Variants in FAT3 observed in about 807,000 individuals in gnomAD.
FAT3 encodes the protein FAT atypical cadherin 3.
In FAT3, 95 loss-of-function variants were observed where a neutral mutation model predicts 310.2. That is an observed-to-expected ratio of 0.31 (90% CI 0.26 to 0.36). The LOEUF (loss-of-function observed/expected upper bound fraction) is 0.36, where lower values mean the gene tolerates loss of function less well. Among genes scored for constraint, FAT3 ranks in the 10% least tolerant of loss-of-function variants. The pLI is 1.00. For synonymous variants in FAT3, 2,314 were observed against 2,192.9 expected (o/e 1.06, Z -1.54); for missense variants, 5,408 against 5,715.6 (o/e 0.95, Z 1.74).
chr11:92,457,737 T>A (rs1951529145), intron 2 of FAT3, among the ~76,000 whole-genome samples: 1 of 151,044 alleles, frequency 6.6e-6, no homozygotes, highest in African/African-American at 2.5e-5. Flanking sequence ...GCCTGACCAA[T>A]ATGGTGAAAC....
At chr11:92,714,461 T>C (rs181821598) in intron 4 of FAT3, among the ~76,000 whole-genome samples, 35 of 152,058 alleles carry the variant, frequency 2.3e-4, no homozygotes, top group Admixed American at 7.9e-4. Context: ...GTTTCTAATC[T>C]CTACCCTGGA....
intron 4 of FAT3, among the ~76,000 whole-genome samples, chr11:92,718,013 C>A (rs1944738999): frequency 6.6e-6 from 1 of 152,156 alleles, no homozygotes; most frequent in African/African-American, 2.4e-5. Flanking sequence ...TATTTCCATG[C>A]CCCCTTGGGT....
intron 13 of FAT3, among the ~76,000 whole-genome samples, chr11:92,816,167 G>T (rs182197266): frequency 6.6e-6 from 1 of 152,354 alleles, no homozygotes; most frequent in East Asian, 1.9e-4. Flanking sequence ...GAGACAGAGA[G>T]ACAGATAGAT....
chr11:92,832,190 G>A (rs1277103589), intron 14 of FAT3, among the ~76,000 whole-genome samples, 179 bp downstream of exon 14: 4 of 152,056 alleles, frequency 2.6e-5, no homozygotes, highest in Admixed American at 2.0e-4. Flanking sequence ...AAATATATTA[G>A]CCAAGCATGG....
chr11:92,305,409 T>C (rs757874105), intron 1 of FAT3, among the ~76,000 whole-genome samples: 23 of 152,096 alleles, frequency 1.5e-4, no homozygotes, highest in Non-Finnish European at 1.0e-4. Flanking sequence ...GCAATAATTG[T>C]TGCAAGCAAG....
chr11:92,867,336 C>T, intron 22 of FAT3, 127 bp downstream of exon 22: 6 of 966,130 alleles, frequency 6.2e-6, no homozygotes, highest in South Asian at 5.2e-5. Flanking sequence ...CCAAGATGCT[C>T]GCCAACCTTC....
Position 92,882,975 on chromosome 11 carries a change from A to G in FAT3, c.12519A>G (p.Ile4173Met). ...TCTTCATCCTGGTGGTTCTCTTCAT[A>G]GTCTTCCGCAAGAAGGTCTTCCGCA... Reference protein sequence around the residue: ...FVIFILVVLFIVFRKKVFRKN... With the variant: ...FVIFILVVLFMVFRKKVFRKN... Residue 4173 changes from isoleucine (I) to methionine (M), a missense_variant, in exon 24 of 28, where the codon ATA becomes ATG. This residue lies in a region of FAT3 where 649 missense variants were observed against 666.2 expected (regional missense o/e 0.97). Coordinates refer to ENST00000525166, the MANE Select transcript of FAT3 (RefSeq NM_001367949.2). 1 of 1,613,916 alleles carries G rather than the reference A, an allele frequency of 6.2e-7. No individual in the cohort carries two copies.
At chr11:92,721,544 T>C (rs1291246059) in intron 4 of FAT3, among the ~76,000 whole-genome samples, 1 of 152,194 alleles carries the variant, frequency 6.6e-6, no homozygotes, top group Non-Finnish European at 1.5e-5. Context: ...TGAAACAAAT[T>C]GCAATTGCAA....
At chr11:92,660,294 A>C (rs1942737260) in intron 3 of FAT3, among the ~76,000 whole-genome samples, 1 of 152,024 alleles carries the variant, frequency 6.6e-6, no homozygotes, top group Non-Finnish European at 1.5e-5. Context: ...GGAGTTTATA[A>C]AGGTGCCTTT....
At chr11:92,612,536 A>AT (rs1940615319) in intron 3 of FAT3, among the ~76,000 whole-genome samples, 2 of 152,212 alleles carry the variant, frequency 1.3e-5, no homozygotes, top group Non-Finnish European at 2.9e-5. Flanking sequence ...TCAGAAGACC[A>AT]TTTTTTAAAA....
intron 2 of FAT3, among the ~76,000 whole-genome samples, chr11:92,494,045 T>C (rs577791235): frequency 5.0e-4 from 68 of 135,568 alleles, no homozygotes; most frequent in African/African-American, 1.7e-3. Flanking sequence ...TTTTTTTTTT[T>C]TTGGTAAAAA....
At chr11:92,489,012 G>C (rs1952517943) in intron 2 of FAT3, among the ~76,000 whole-genome samples, 1 of 152,108 alleles carries the variant, frequency 6.6e-6, no homozygotes, top group South Asian at 2.1e-4. Flanking sequence ...ACCTAGGAGA[G>C]TCAAATAAGG....
intron 3 of FAT3, among the ~76,000 whole-genome samples, chr11:92,552,406 T>C (rs1321146013): frequency 2.5e-4 from 38 of 152,200 alleles, no homozygotes; most frequent in Non-Finnish European, 4.4e-5. Context: ...GGGAATTATA[T>C]TAGTAAATAC....
At chr11:92,363,047 G>T (rs1948921359) in intron 2 of FAT3, among the ~76,000 whole-genome samples, 1 of 152,194 alleles carries the variant, frequency 6.6e-6, no homozygotes, top group Admixed American at 6.5e-5. Flanking sequence ...AAAAAAGAGG[G>T]GTTTGGCCGA....
rs564930039 is a variant in FAT3, at chr11:92,893,768, A to G, written c.*2655A>G. On this transcript the variant is annotated 3_prime_UTR_variant, in exon 28 of 28. Transcript: ENST00000525166. Reference sequence around the variant, plus strand: ...TTGATTTATTATCTTTAAACACATGATATCTCTTCACTTTTTGGAAAGTTA... The same window carrying G: ...TTGATTTATTATCTTTAAACACATGGTATCTCTTCACTTTTTGGAAAGTTA... The G allele has an allele frequency of 2.4e-4, 37 of 152,330 alleles. No individual in the cohort carries two copies. The highest frequency in any genetic ancestry group is 8.4e-4 in the African/African-American group (35 of 41,572). The allele number at this position is 152,330 out of a possible 1,614,324, so 9.4% of individuals were successfully genotyped here.
intron 9 of FAT3, among the ~76,000 whole-genome samples, chr11:92,796,854 G>T (rs181517336): frequency 1.3e-5 from 2 of 151,990 alleles, no homozygotes; most frequent in Non-Finnish European, 2.9e-5. Context: ...CCCAGATTTC[G>T]AACCACAACA....
chr11:92,703,999 C>T (rs1291924057), intron 4 of FAT3, among the ~76,000 whole-genome samples: 2 of 152,212 alleles, frequency 1.3e-5, no homozygotes, highest in African/African-American at 4.8e-5. Flanking sequence ...GGTCATACAA[C>T]TACTTCATGG....
At chr11:92,832,355 G>A (rs1948286602) in intron 14 of FAT3, among the ~76,000 whole-genome samples, 1 of 151,798 alleles carries the variant, frequency 6.6e-6, no homozygotes, top group African/African-American at 2.4e-5. Context: ...ATAATAGTAA[G>A]AATGCAGGAC....
intron 1 of FAT3, among the ~76,000 whole-genome samples, chr11:92,350,731 A>G (rs577856292): frequency 2.0e-5 from 3 of 150,510 alleles, no homozygotes; most frequent in East Asian, 1.9e-4. Context: ...AATAGTACCT[A>G]TTACTTAGGA....
Sources: gnomAD v4.1 joint callset for allele counts (sites outside exome capture counted in the v4.1 genomes callset) on GRCh38, gnomAD v4.1.1 for gene constraint, gnomAD v4.1.1 regional missense constraint, MANE v1.5 for transcripts, NCBI Gene and HGNC (gene_info 2026-07-23, HGNC 2026-07-21) for gene names.